VPS13B: variants seen among roughly 807,000 people sequenced by gnomAD.
The protein encoded by VPS13B is vacuolar protein sorting 13 homolog B, also known as intermembrane lipid transfer protein VPS13B.
A neutral mutation model predicts 426.4 loss-of-function variants in VPS13B; 285 were observed. That is an observed-to-expected ratio of 0.67 (90% CI 0.61 to 0.74). The LOEUF (loss-of-function observed/expected upper bound fraction) is 0.74, where lower values mean the gene tolerates loss of function less well. Among genes scored for constraint, VPS13B ranks in the 30% least tolerant of loss-of-function variants. The pLI is 0.00. For synonymous variants in VPS13B, 1,676 were observed against 1,676.4 expected (o/e 1.00, Z 0.01); for missense variants, 4,537 against 4,782.6 (o/e 0.95, Z 1.51).
Position 99,194,466 on chromosome 8 carries a change from C to T in VPS13B, c.2515+1409C>T, listed in dbSNP as rs189385830. Among the ~76,000 whole-genome samples the T allele has an allele frequency of 6.3e-3, 962 of 152,256 alleles. 8 individuals carry two copies. The highest frequency in any genetic ancestry group is 0.022 in the African/African-American group (903 of 41,556). ...GTAACCACCGTTCTACTCTAACTAC[C>T]ATTCTACTCTCTACTTCTATGAGTT... On this transcript the variant is annotated intron_variant, in intron 17 of 61. Transcript: ENST00000357162.
At chr8:99,535,128 T>C (rs1445913790) in intron 30 of VPS13B, among the ~76,000 whole-genome samples, 1 of 152,156 alleles carries the variant, frequency 6.6e-6, no homozygotes, top group South Asian at 2.1e-4. Flanking sequence ...TATTAATTAA[T>C]TTAATGTGCA....
chr8:99,599,655 A>G (rs1438346529), intron 33 of VPS13B, among the ~76,000 whole-genome samples: 3 of 152,146 alleles, frequency 2.0e-5, no homozygotes, highest in Non-Finnish European at 4.4e-5. Context: ...ATGGAAGTGT[A>G]TATAATTCTC....
intron 23 of VPS13B, among the ~76,000 whole-genome samples, chr8:99,464,660 T>G (rs982061925): frequency 6.6e-6 from 1 of 152,186 alleles, no homozygotes; most frequent in Non-Finnish European, 1.5e-5. Flanking sequence ...AATTTTCTTT[T>G]TAAGTTTCAC....
At chr8:99,141,493 T>C (rs1753470002) in intron 12 of VPS13B, among the ~76,000 whole-genome samples, 1 of 152,200 alleles carries the variant, frequency 6.6e-6, no homozygotes, top group South Asian at 2.1e-4. Context: ...CCTCATTCTG[T>C]CTTACATGTA....
chr8:99,710,860 C>T (rs1832684175), intron 36 of VPS13B, among the ~76,000 whole-genome samples: 1 of 144,622 alleles, frequency 6.9e-6, no homozygotes, highest in African/African-American at 2.6e-5. Context: ...AAAAAATCAG[C>T]TGGGCATGGT....
At chr8:99,749,226 C>A (rs555928633) in intron 39 of VPS13B, among the ~76,000 whole-genome samples, 143 of 152,064 alleles carry the variant, frequency 9.4e-4, no homozygotes, top group African/African-American at 2.7e-3. Context: ...TTTATCATTT[C>A]TTTCTGTTAT....
chr8:99,641,333 T>C (rs1039126720), intron 33 of VPS13B, among the ~76,000 whole-genome samples: 2 of 152,194 alleles, frequency 1.3e-5, no homozygotes, highest in Non-Finnish European at 1.5e-5. Context: ...TTTCCCTTTC[T>C]TACTGTCCAA....
chr8:99,428,673 A>T (rs1436988895), intron 21 of VPS13B, among the ~76,000 whole-genome samples: 1 of 152,100 alleles, frequency 6.6e-6, no homozygotes, highest in East Asian at 1.9e-4. Context: ...ACACTTTTAC[A>T]CTGTTGGTGG....
chr8:99,225,154 C>CT (rs780420924), intron 17 of VPS13B, among the ~76,000 whole-genome samples: 5 of 152,216 alleles, frequency 3.3e-5, no homozygotes, highest in Non-Finnish European at 7.3e-5. Flanking sequence ...AACCCATACA[C>CT]TGACAACTGC....
intron 40 of VPS13B, among the ~76,000 whole-genome samples, chr8:99,772,166 T>A (rs1045642919): frequency 1.3e-5 from 2 of 152,070 alleles, no homozygotes; most frequent in African/African-American, 4.8e-5. Context: ...GCTCTCTATG[T>A]CGTATTGCCT....
intron 54 of VPS13B, among the ~76,000 whole-genome samples, chr8:99,840,984 C>T (rs573350183): frequency 1.2e-4 from 19 of 152,336 alleles, no homozygotes; most frequent in African/African-American, 4.3e-4. Flanking sequence ...GCACTGACTT[C>T]TGAATGTCTG....
intron 30 of VPS13B, among the ~76,000 whole-genome samples, chr8:99,533,947 A>G (rs930313867): frequency 1.2e-4 from 18 of 152,182 alleles, no homozygotes; most frequent in Admixed American, 3.3e-4. Flanking sequence ...CTAATTATAT[A>G]AAGGCATTCT....
chr8:99,712,092 C>T (rs1377486610), intron 36 of VPS13B, among the ~76,000 whole-genome samples: 1 of 152,278 alleles, frequency 6.6e-6, no homozygotes, highest in East Asian at 1.9e-4. Context: ...TTATTAAAAT[C>T]CCATTGGTTA....
At chr8:99,360,217 T>C (rs1359295630) in intron 19 of VPS13B, among the ~76,000 whole-genome samples, 2 of 14,734 alleles carry the variant, frequency 1.4e-4, no homozygotes, top group African/African-American at 5.5e-4. Flanking sequence ...TCTCTTTCTT[T>C]CTTTCTTTCT....
chr8:99,311,761 A>C (rs1340184690), intron 19 of VPS13B, among the ~76,000 whole-genome samples: 1 of 152,140 alleles, frequency 6.6e-6, no homozygotes, highest in East Asian at 1.9e-4. Flanking sequence ...TCTAATGTTG[A>C]TAGTGGGGTG....
At chr8:99,286,355 T>C (rs1819444067) in intron 19 of VPS13B, among the ~76,000 whole-genome samples, 1 of 152,208 alleles carries the variant, frequency 6.6e-6, no homozygotes, top group Non-Finnish European at 1.5e-5. Context: ...AACTCTCATA[T>C]AGAAATAAGA....
chr8:99,752,318 G>A (rs1810435919), intron 39 of VPS13B, among the ~76,000 whole-genome samples: 1 of 152,128 alleles, frequency 6.6e-6, no homozygotes, highest in Admixed American at 6.6e-5. Flanking sequence ...TACCCTAAAG[G>A]GCCTCTGTAA....
chr8:99,831,029 G>A (rs949028160), intron 51 of VPS13B, among the ~76,000 whole-genome samples: 1 of 147,194 alleles, frequency 6.8e-6, no homozygotes, highest in African/African-American at 2.5e-5. Context: ...GCTGCAGAAC[G>A]GAGCTGTTCC....
intron 35 of VPS13B, among the ~76,000 whole-genome samples, chr8:99,663,563 C>T (rs1445516257): frequency 6.6e-6 from 1 of 152,082 alleles, no homozygotes; most frequent in African/African-American, 2.4e-5. Flanking sequence ...ATTCTATATG[C>T]CACTAAAAAT....
Sources: allele counts gnomAD v4.1 joint callset (sites outside exome capture counted in the v4.1 genomes callset), GRCh38; gene constraint gnomAD v4.1.1; transcripts MANE v1.5; gene names NCBI Gene and HGNC (gene_info 2026-07-23, HGNC 2026-07-21).